The following CHST9 variants were observed in gnomAD, a reference collection of about 807,000 sequenced individuals.
CHST9 encodes the protein GalNAc-4-sulfotransferase 2.
In CHST9, 41 loss-of-function variants were observed where a neutral mutation model predicts 44.4. The observed-to-expected ratio is 0.92, with a 90% CI of 0.72 to 1.20. CHST9 has a LOEUF of 1.20. Ranked by LOEUF, CHST9 falls within the 50% of genes most tolerant of loss-of-function variation. The probability of loss-of-function intolerance (pLI) is 0.00; values close to 1 mark genes in which losing one functional copy is unlikely to be tolerated. For missense variants in CHST9, 504 were observed against 516.5 expected (o/e 0.98, Z 0.23); for synonymous variants, 171 against 178.4 (o/e 0.96, Z 0.33).
intron 5 of CHST9, among the ~76,000 whole-genome samples, chr18:26,938,756 C>T (rs944180293): frequency 1.3e-5 from 2 of 152,156 alleles, no homozygotes; most frequent in Admixed American, 6.5e-5. Flanking sequence ...GATCTCCCTG[C>T]CCTTCAATTC....
chr18:26,966,194 C>T (rs2056461964), intron 4 of CHST9, among the ~76,000 whole-genome samples: 1 of 152,112 alleles, frequency 6.6e-6, no homozygotes, highest in African/African-American at 2.4e-5. Flanking sequence ...AATGATTTTT[C>T]TGATGTATTA....
At chr18:27,013,139 T>C (rs1431213451) in intron 4 of CHST9, among the ~76,000 whole-genome samples, 3 of 152,208 alleles carry the variant, frequency 2.0e-5, no homozygotes, top group Non-Finnish European at 4.4e-5. Context: ...ATTCAACTAG[T>C]AATGACTTTC....
At chr18:27,004,173 A>C (rs1295551682) in intron 4 of CHST9, among the ~76,000 whole-genome samples, 1 of 152,066 alleles carries the variant, frequency 6.6e-6, no homozygotes, top group Non-Finnish European at 1.5e-5. Flanking sequence ...GAACAGAATG[A>C]AAGATAGGCT....
intron 4 of CHST9, among the ~76,000 whole-genome samples, chr18:26,949,724 A>G (rs757431249): frequency 6.6e-6 from 1 of 152,172 alleles, no homozygotes; most frequent in Non-Finnish European, 1.5e-5. Flanking sequence ...TGACAAAGGG[A>G]CTTTGCAGAT....
chr18:26,980,291 C>T (rs2056676096), intron 4 of CHST9, among the ~76,000 whole-genome samples: 1 of 152,088 alleles, frequency 6.6e-6, no homozygotes, highest in Admixed American at 6.6e-5. Flanking sequence ...TTATTACAAT[C>T]CCTAGCGCCT....
intron 2 of CHST9, among the ~76,000 whole-genome samples, chr18:27,120,381 C>A (rs1363417012): frequency 1.3e-5 from 2 of 152,116 alleles, no homozygotes; most frequent in Non-Finnish European, 2.9e-5. Context: ...CTCCCCTTGC[C>A]TTTTACTATT....
At chr18:27,050,824 T>A (rs1375154235) in intron 2 of CHST9, among the ~76,000 whole-genome samples, 1 of 152,182 alleles carries the variant, frequency 6.6e-6, no homozygotes, top group Non-Finnish European at 1.5e-5. Context: ...CCTCGGACAT[T>A]TTCATAAATT....
chr18:27,070,491 T>C (rs2057826730), intron 2 of CHST9, among the ~76,000 whole-genome samples: 1 of 152,242 alleles, frequency 6.6e-6, no homozygotes, highest in African/African-American at 2.4e-5. Context: ...CAAATAGTAG[T>C]AAATGTCAAA....
intron 3 of CHST9, among the ~76,000 whole-genome samples, chr18:27,034,613 C>G (rs2057372581): frequency 6.6e-6 from 1 of 152,202 alleles, no homozygotes; most frequent in African/African-American, 2.4e-5. Context: ...ATGCTCCAGC[C>G]ATGTCAACTT....
chr18:27,014,354 T>G (rs1289603447), intron 4 of CHST9, among the ~76,000 whole-genome samples: 2 of 147,368 alleles, frequency 1.4e-5, no homozygotes, highest in Non-Finnish European at 3.0e-5. Context: ...GATCTGAGGC[T>G]GAGGCAGGAG....
chr18:26,931,466 T>C (rs1223402548), intron 5 of CHST9, among the ~76,000 whole-genome samples: 3 of 152,192 alleles, frequency 2.0e-5, no homozygotes, highest in Admixed American at 2.0e-4. Flanking sequence ...TTGGGTACCA[T>C]TCATCTGTAA....
intron 4 of CHST9, among the ~76,000 whole-genome samples, chr18:26,968,258 C>A (rs781745215): frequency 7.5e-4 from 114 of 151,958 alleles, no homozygotes; most frequent in Non-Finnish European, 1.4e-3. Context: ...GCTACATGAC[C>A]AAAAAAGATA....
chr18:27,123,541 C>T (rs975751999), intron 2 of CHST9, among the ~76,000 whole-genome samples: 1 of 151,930 alleles, frequency 6.6e-6, no homozygotes, highest in Non-Finnish European at 1.5e-5. Context: ...TTAAATTCTA[C>T]AGGAGCAGAA....
chr18:26,926,893 G>A (rs1364102419), intron 5 of CHST9, among the ~76,000 whole-genome samples: 1 of 152,208 alleles, frequency 6.6e-6, no homozygotes, highest in East Asian at 1.9e-4. Context: ...GAATAAGTTG[G>A]TGTTTTCACT....
intron 2 of CHST9, among the ~76,000 whole-genome samples, chr18:27,094,198 A>C (rs910516890): frequency 1.9e-4 from 29 of 152,222 alleles, no homozygotes; most frequent in Admixed American, 9.2e-4. Context: ...AATCATAATC[A>C]TAAAACACTG....
At chr18:27,109,702 G>A (rs934722231) in intron 2 of CHST9, among the ~76,000 whole-genome samples, 6 of 152,170 alleles carry the variant, frequency 3.9e-5, no homozygotes, top group African/African-American at 1.2e-4. Flanking sequence ...ATCTGAATCC[G>A]TTCATCACTG....
chr18:26,985,466 A>G (rs1052862708), intron 4 of CHST9, among the ~76,000 whole-genome samples: 1 of 152,228 alleles, frequency 6.6e-6, no homozygotes, highest in African/African-American at 2.4e-5. Context: ...AAGCAAGGCA[A>G]GCCATGTGAT....
At chr18:26,941,829 T>A (rs1358304399) in intron 5 of CHST9, among the ~76,000 whole-genome samples, 1 of 152,204 alleles carries the variant, frequency 6.6e-6, no homozygotes, top group Non-Finnish European at 1.5e-5. Context: ...TAGTTGTTTG[T>A]TCTCAGAGCT....
chr18:27,142,183 T>C (rs1009098354), intron 2 of CHST9, among the ~76,000 whole-genome samples: 1 of 152,206 alleles, frequency 6.6e-6, no homozygotes, highest in Non-Finnish European at 1.5e-5. Context: ...GTGGTAGAGA[T>C]GGTATGGCCT....
Sources: allele counts gnomAD v4.1 joint callset (sites outside exome capture counted in the v4.1 genomes callset), GRCh38; gene constraint gnomAD v4.1.1; transcripts MANE v1.5; gene names NCBI Gene and HGNC (gene_info 2026-07-23, HGNC 2026-07-21).